UNC5C: variants seen among roughly 807,000 people sequenced by gnomAD.
The protein encoded by UNC5C is unc-5 netrin receptor C.
A neutral mutation model predicts 99.8 loss-of-function variants in UNC5C; 47 were observed. That is an observed-to-expected ratio of 0.47 (90% CI 0.37 to 0.60). The LOEUF is 0.60. Among genes scored for constraint, UNC5C ranks in the 20% least tolerant of loss-of-function variants. The pLI, the probability that UNC5C is intolerant of heterozygous loss-of-function variation, is 0.00. For missense variants in UNC5C, 1,062 were observed against 1,165.9 expected (o/e 0.91, Z 1.30); for synonymous variants, 487 against 452.2 (o/e 1.08, Z -0.98).
chr4:95,262,677 C>T (rs72674520), intron 4 of UNC5C, among the ~76,000 whole-genome samples: 14,206 of 151,920 alleles, frequency 0.094, 1,056 homozygotes, highest in Admixed American at 0.25. Flanking sequence ...AAAGTTTATA[C>T]GCAAATTTTT....
At chr4:95,496,118 C>T (rs1578195237) in intron 1 of UNC5C, among the ~76,000 whole-genome samples, 1 of 151,742 alleles carries the variant, frequency 6.6e-6, no homozygotes, top group Admixed American at 6.6e-5. Flanking sequence ...TGAAGAAAAA[C>T]AGTATTATTG....
At chr4:95,202,503 CAAGG>C (rs1378147547) in intron 12 of UNC5C, among the ~76,000 whole-genome samples, 1 of 152,208 alleles carries the variant, frequency 6.6e-6, no homozygotes, top group African/African-American at 2.4e-5. Context: ...TAAAAGAAAT[CAAGG>C]AAGGTAAACA....
rs1739662296 is a variant in UNC5C at position 95,250,542 on chromosome 4, A to G, written c.720T>C (p.Val240=). 2 of 1,614,058 alleles carry G rather than the reference A, an allele frequency of 1.2e-6. No individual in the cohort carries two copies. The highest frequency in any genetic ancestry group is 1.7e-6 in the Non-Finnish European group (2 of 1,179,960). ...RLSDTANYTC[V]AKNIVAKRKS... ...TCCTCTTGGCAACAATGTTTTTGGC[A>G]ACACAGGTGTAATTTGCAGTATCAG... The change falls in exon 5 of 16, where the codon GTT becomes GTC. Residue 240 remains valine, a synonymous_variant. Coordinates refer to ENST00000453304, the MANE Select transcript of UNC5C (RefSeq NM_003728.4).
chr4:95,525,596 T>TAAAAAAAAAAAA (rs574532435), intron 1 of UNC5C, among the ~76,000 whole-genome samples: 6 of 102,164 alleles, frequency 5.9e-5, no homozygotes, highest in Admixed American at 1.1e-4. Flanking sequence ...GCCTATTTCT[T>TAAAAAAAAAAAA]AAAAAAAAAA....
chr4:95,534,231 A>C (rs879437938), intron 1 of UNC5C, among the ~76,000 whole-genome samples: 2 of 152,186 alleles, frequency 1.3e-5, no homozygotes, highest in Admixed American at 1.3e-4. Flanking sequence ...TGGGGGTATC[A>C]TCCTGAAGTG....
At chr4:95,373,767 A>T (rs531130571) in intron 1 of UNC5C, among the ~76,000 whole-genome samples, 1 of 152,252 alleles carries the variant, frequency 6.6e-6, no homozygotes, top group African/African-American at 2.4e-5. Flanking sequence ...TCATTTTACA[A>T]ATGTGGGAAG....
intron 1 of UNC5C, among the ~76,000 whole-genome samples, chr4:95,441,299 T>C (rs1746943931): frequency 6.6e-6 from 1 of 152,204 alleles, no homozygotes. Flanking sequence ...AAGGAAGCAG[T>C]GGAACTGCTA....
intron 7 of UNC5C, 59 bp downstream of exon 7, chr4:95,242,370 C>A: frequency 6.3e-7 from 1 of 1,595,674 alleles, no homozygotes; most frequent in Middle Eastern, 1.7e-4. Context: ...CCTTAAAAAA[C>A]TCCAAATGGT....
At position 95,267,635 on chromosome 4, in the gene UNC5C, T is replaced by C. The variant is rs114348084; in HGVS notation, c.594+10624A>G. Among the ~76,000 whole-genome samples, 1,514 of 152,286 alleles carry C rather than the reference T, an allele frequency of 9.9e-3. 10 individuals are homozygous for C. Among genetic ancestry groups the C allele is most frequent in the Non-Finnish European group, 0.015 (1,053 of 68,024 alleles). ...TTTATCTTCTGATACACTTTGACTA[T>C]CTTCAAGAAGACTAATGTGTTGATT... On this transcript the variant is annotated intron_variant, in intron 4 of 15. Coordinates refer to ENST00000453304, the MANE Select transcript of UNC5C (RefSeq NM_003728.4).
At chr4:95,196,374 A>G (rs1245355897) in intron 12 of UNC5C, among the ~76,000 whole-genome samples, 1 of 152,038 alleles carries the variant, frequency 6.6e-6, no homozygotes, top group Admixed American at 6.6e-5. Flanking sequence ...TAGCATCTTT[A>G]TCCTTTTATG....
At position 95,265,289 on chromosome 4, in the gene UNC5C, CA is replaced by C. The variant is rs368177804; in HGVS notation, c.594+12969del. 3.6e-3 allele frequency among the ~76,000 whole-genome samples: 545 copies of C among 149,430 alleles called. 3 individuals are homozygous for C. Among genetic ancestry groups the C allele is most frequent in the Middle Eastern group, 7.0e-3 (2 of 284 alleles). On this transcript the variant is annotated intron_variant, in intron 4 of 15. Transcript: ENST00000453304. ...ATTCCATCTGGATGCTCAACAAATA[CA>C]AAAAAAACATAATAAGTGCTGAATA...
intron 1 of UNC5C, among the ~76,000 whole-genome samples, chr4:95,426,159 T>G (rs2149458493): frequency 6.6e-6 from 1 of 152,378 alleles, no homozygotes; most frequent in Admixed American, 6.5e-5. Flanking sequence ...TTCATATCTC[T>G]ATGTCACATT....
chr4:95,391,108 GA>G (rs2149445047), intron 1 of UNC5C, among the ~76,000 whole-genome samples: 1 of 152,324 alleles, frequency 6.6e-6, no homozygotes, highest in Admixed American at 6.5e-5. Context: ...TGCCATGCAA[GA>G]TGTGTCTTTG....
chr4:95,546,028 T>C (rs945411263), intron 1 of UNC5C, among the ~76,000 whole-genome samples: 1 of 152,252 alleles, frequency 6.6e-6, no homozygotes, highest in Non-Finnish European at 1.5e-5. Context: ...ATGTTTTATC[T>C]TAAATATCTG....
intron 1 of UNC5C, among the ~76,000 whole-genome samples, chr4:95,536,882 C>T (rs977072271): frequency 1.3e-5 from 2 of 152,096 alleles, no homozygotes; most frequent in Non-Finnish European, 2.9e-5. Context: ...AATTTAATTG[C>T]TTAAACCCTG....
chr4:95,273,939 C>A, intron 4 of UNC5C, among the ~76,000 whole-genome samples: 1 of 152,060 alleles, frequency 6.6e-6, no homozygotes, highest in East Asian at 1.9e-4. Context: ...TTTTCTAGAG[C>A]TTTCCATCTC....
chr4:95,174,644 A>C (rs1296691116), intron 14 of UNC5C, among the ~76,000 whole-genome samples: 3 of 151,384 alleles, frequency 2.0e-5, no homozygotes, highest in Non-Finnish European at 2.9e-5. Context: ...ACATTTGCTG[A>C]GGAGAGCTTT....
At chr4:95,359,719 G>C (rs1209738263) in intron 1 of UNC5C, among the ~76,000 whole-genome samples, 1 of 152,064 alleles carries the variant, frequency 6.6e-6, no homozygotes, top group Non-Finnish European at 1.5e-5. Flanking sequence ...TGGTAAGCCT[G>C]ACTGCTGTAA....
At chr4:95,541,344 G>C (rs577851639) in intron 1 of UNC5C, among the ~76,000 whole-genome samples, 2 of 152,208 alleles carry the variant, frequency 1.3e-5, no homozygotes, top group Admixed American at 1.3e-4. Context: ...TAGTCACTTA[G>C]TAGTTATCTC....
Sources: allele counts gnomAD v4.1 joint callset (sites outside exome capture counted in the v4.1 genomes callset), GRCh38; gene constraint gnomAD v4.1.1; transcripts MANE v1.5; gene names NCBI Gene and HGNC (gene_info 2026-07-23, HGNC 2026-07-21).